Variants in MLPH observed in about 807,000 individuals in gnomAD.
MLPH encodes exophilin-3.
Under a neutral mutation model 72.1 loss-of-function variants are expected in MLPH, and 51 were observed. That is an observed-to-expected ratio of 0.71 (90% CI 0.56 to 0.89). MLPH has a LOEUF of 0.89. Among genes scored for constraint, MLPH ranks in the 40% least tolerant of loss-of-function variants. MLPH has a pLI of 0.00. For synonymous variants in MLPH, 301 were observed against 310.1 expected (o/e 0.97, Z 0.31); for missense variants, 743 against 759.9 (o/e 0.98, Z 0.26).
chr2:237,504,992 C>T (rs1294120217), intron 2 of MLPH, among the ~76,000 whole-genome samples: 1 of 152,230 alleles, frequency 6.6e-6, no homozygotes, highest in Non-Finnish European at 1.5e-5. Flanking sequence ...CCAGACTCTG[C>T]TCACTTACCG....
chr2:237,518,458 ATGGATGGG>A, intron 4 of MLPH, 73 bp from the exon 5 acceptor site: 1 of 1,135,040 alleles, frequency 8.8e-7, no homozygotes, highest in South Asian at 1.3e-5. Context: ...AGATTAGTGG[ATGGATGGG>A]TGGATGGGCT....
At chr2:237,509,490 G>A (rs141726652) in intron 2 of MLPH, among the ~76,000 whole-genome samples, 1 of 152,336 alleles carries the variant, frequency 6.6e-6, no homozygotes, top group Non-Finnish European at 1.5e-5. Flanking sequence ...GAAATGGAGG[G>A]AGTGAGGCCC....
chr2:237,511,036 C>T lies in MLPH; in HGVS notation c.380C>T (p.Ala127Val). Reference protein sequence around the residue: ...SLEWYYEHVKARFKRFGSAKV... With the variant: ...SLEWYYEHVKVRFKRFGSAKV... ...GAGTGGTACTATGAGCATGTGAAAG[C>T]CCGCTTCAAGAGGTTCGGAAGTGCC... The change falls in exon 4 of 16, where the codon GCC becomes GTC. Residue 127 changes from alanine to valine, a missense_variant. Coordinates refer to ENST00000264605, the MANE Select transcript of MLPH (RefSeq NM_024101.7). The T allele has an allele frequency of 1.9e-6, 3 of 1,613,988 alleles. No homozygotes were observed. The highest frequency in any genetic ancestry group is 1.6e-4 in the Middle Eastern group (1 of 6,062).
intron 2 of MLPH, among the ~76,000 whole-genome samples, chr2:237,507,062 CTTTTTTTTTTTT>C (rs61091364): frequency 1.1e-5 from 1 of 94,544 alleles, no homozygotes; most frequent in Non-Finnish European, 2.0e-5. Context: ...TTTTTTTTTT[CTTTTTTTTTTTT>C]TTTTTTTTTG....
At chr2:237,525,853 G>A (rs1272414896) in intron 7 of MLPH, 48 bp downstream of exon 7, 1 of 1,572,422 alleles carries the variant, frequency 6.4e-7, no homozygotes. Context: ...GCATGGGGGA[G>A]CAGGTCACTG....
intron 4 of MLPH, chr2:237,517,930 G>A (rs2080085753): frequency 5.6e-6 from 1 of 179,756 alleles, no homozygotes; most frequent in Admixed American, 5.4e-5. Flanking sequence ...TAGATGGGTA[G>A]GTGGATGAGT....
At chr2:237,529,981 AG>A (rs2080385603) in intron 8 of MLPH, among the ~76,000 whole-genome samples, 1 of 152,214 alleles carries the variant, frequency 6.6e-6, no homozygotes, top group African/African-American at 2.4e-5. Context: ...GGAAGCAGCG[AG>A]GACGCAGGTG....
intron 1 of MLPH, among the ~76,000 whole-genome samples, chr2:237,491,665 C>T (rs1301586131): frequency 6.6e-6 from 1 of 152,174 alleles, no homozygotes; most frequent in African/African-American, 2.4e-5. Context: ...CTGTGGGGAG[C>T]GTGCACAGTT....
intron 12 of MLPH, chr2:237,545,652 C>T (rs2080902750): frequency 3.1e-6 from 4 of 1,270,220 alleles, no homozygotes; most frequent in South Asian, 2.6e-5. Context: ...TCACGTCAGG[C>T]CAACATCCTC....
At chr2:237,496,278 G>T (rs2106462333) in intron 2 of MLPH, among the ~76,000 whole-genome samples, 1 of 152,312 alleles carries the variant, frequency 6.6e-6, no homozygotes, top group Non-Finnish European at 1.5e-5. Context: ...AGGAGCAGAG[G>T]GAGGGAGCAA....
In MLPH at chr2:237,505,377, G is replaced by T. The variant is rs766236804; in HGVS notation, c.111-5197G>T. Among the ~76,000 whole-genome samples, 1 of 152,166 alleles carries T rather than the reference G, an allele frequency of 6.6e-6. No individual in the cohort carries two copies. Among genetic ancestry groups the T allele is most frequent in the Non-Finnish European group, 1.5e-5 (1 of 68,032 alleles). ...CCCTGGCTGCTCCTCATCGCATGCA[G>T]TCCTGCTGGAGCATGGTTTAAGGAT... On this transcript the variant is annotated intron_variant, in intron 2 of 15. Coordinates refer to ENST00000264605, the MANE Select transcript of MLPH (RefSeq NM_024101.7). The surrounding 1 kb of genome is among the most constrained non-coding windows in gnomAD (Gnocchi z 4.5).
intron 6 of MLPH, 59 bp from the exon 7 acceptor site, chr2:237,525,542 C>T (rs2080283603): frequency 5.7e-6 from 9 of 1,574,250 alleles, no homozygotes; most frequent in Non-Finnish European, 6.1e-6. Context: ...ACCCACATTC[C>T]AGGCAGCGGC....
chr2:237,536,628 T>C (rs1034109392), intron 9 of MLPH, among the ~76,000 whole-genome samples: 7 of 152,132 alleles, frequency 4.6e-5, no homozygotes, highest in African/African-American at 1.7e-4. Flanking sequence ...CCATGTCCCA[T>C]ATCCAGCCAT....
rs1443712713 is a variant in MLPH at position 237,512,130 on chromosome 2, G to A, written c.445+1029G>A. On this transcript the variant is annotated intron_variant, in intron 4 of 15. Coordinates refer to ENST00000264605, the MANE Select transcript of MLPH (RefSeq NM_024101.7). This position sits in a 1 kb window ranked among gnomAD's most constrained non-coding sequence, Gnocchi z 5.5. ...TGGCTCCGGCAGCTGGGCACGTCCA[G>A]GGCAGAGGCTGTGCTTCTGGATTGG... Among the ~76,000 whole-genome samples the A allele has an allele frequency of 6.6e-6, 1 of 152,242 alleles. No homozygotes were observed. Among genetic ancestry groups the A allele is most frequent in the Non-Finnish European group, 1.5e-5 (1 of 68,048 alleles).
chr2:237,525,839 C>T (rs1189477505), intron 7 of MLPH, 34 bp downstream of exon 7: 2 of 1,596,982 alleles, frequency 1.3e-6, no homozygotes, highest in Non-Finnish European at 1.7e-6. Flanking sequence ...TCCTGATGGG[C>T]TCGGCATGGG....
Position 237,540,830 on chromosome 2 carries a change from G to A in MLPH, c.1319G>A (p.Arg440Lys), listed in dbSNP as rs372113163. ...GGCACGGCTGCCCATCAAACCAACA[G>A]ACAGGAAAAAAGCCCCCAGGACCCT... ...EVGTAAHQTN[R>K]QEKSPQDPGD... Residue 440 changes from arginine to lysine, a missense_variant, in exon 11 of 16, where the codon AGA (arginine) becomes AAA (lysine). Arg to Lys is a conservative substitution (Grantham distance 26, BLOSUM62 2). Coordinates refer to ENST00000264605, the MANE Select transcript of MLPH (RefSeq NM_024101.7). The A allele has an allele frequency of 2.5e-6, 4 of 1,613,208 alleles. No individual in the cohort carries two copies. The highest frequency in any genetic ancestry group is 2.7e-5 in the African/African-American group (2 of 74,904).
At chr2:237,538,064 G>A (rs2080576365) in intron 9 of MLPH, among the ~76,000 whole-genome samples, 1 of 152,218 alleles carries the variant, frequency 6.6e-6, no homozygotes, top group Non-Finnish European at 1.5e-5. Flanking sequence ...TCGTCACCTG[G>A]GAAGAGTCGG....
chr2:237,514,286 A>G (rs960229679), intron 4 of MLPH, among the ~76,000 whole-genome samples: 1 of 151,486 alleles, frequency 6.6e-6, no homozygotes, highest in African/African-American at 2.4e-5. Context: ...TTTTTTAGAG[A>G]TGGGTTCTCA....
intron 2 of MLPH, among the ~76,000 whole-genome samples, chr2:237,501,428 G>A (rs2079644790): frequency 2.1e-5 from 2 of 94,360 alleles, no homozygotes; most frequent in South Asian, 6.9e-4. Flanking sequence ...AGCATTCGCG[G>A]GTCTATCTGC....
Sources: allele counts gnomAD v4.1 joint callset (sites outside exome capture counted in the v4.1 genomes callset), GRCh38; gene constraint gnomAD v4.1.1; non-coding constraint Gnocchi (gnomAD v3.1); transcripts MANE v1.5; gene names NCBI Gene and HGNC (gene_info 2026-07-23, HGNC 2026-07-21).